CTNNA3: variants seen among roughly 807,000 people sequenced by gnomAD.
The protein encoded by CTNNA3 is catenin alpha 3.
Under a neutral mutation model 95.7 loss-of-function variants are expected in CTNNA3, and 76 were observed. The ratio of observed to expected loss-of-function variants is 0.79; its 90% CI spans 0.66 to 0.96. The LOEUF is 0.96. Among genes scored for constraint, CTNNA3 ranks in the 40% least tolerant of loss-of-function variants. The pLI is 0.00. For synonymous variants in CTNNA3, 431 were observed against 374.4 expected, an observed-to-expected ratio of 1.15 and a Z score of -1.74; for missense variants, 1,191 against 1,089.8, an observed-to-expected ratio of 1.09 and a Z score of -1.31.
intron 11 of CTNNA3, among the ~76,000 whole-genome samples, chr10:66,382,343 G>A (rs936559504): frequency 6.6e-6 from 1 of 152,166 alleles, no homozygotes; most frequent in African/African-American, 2.4e-5. Flanking sequence ...GCAGCAGTCT[G>A]AGATCGATCT....
chr10:66,934,793 T>C (rs1233212328), intron 7 of CTNNA3, among the ~76,000 whole-genome samples: 7 of 152,134 alleles, frequency 4.6e-5, no homozygotes, highest in Non-Finnish European at 1.5e-5. Flanking sequence ...GTAAGGCAAA[T>C]ACTACATTTA....
intron 9 of CTNNA3, among the ~76,000 whole-genome samples, chr10:66,683,887 C>G (rs930948100): frequency 5.3e-5 from 8 of 152,062 alleles, no homozygotes; most frequent in Admixed American, 5.2e-4. Flanking sequence ...TCAGACAAAA[C>G]CCCCAGCAAA....
At chr10:66,485,999 T>C (rs1320793139) in intron 11 of CTNNA3, among the ~76,000 whole-genome samples, 2 of 152,118 alleles carry the variant, frequency 1.3e-5, no homozygotes, top group South Asian at 2.1e-4. Context: ...CTCTAACAAA[T>C]GGCACTGATA....
At chr10:67,709,506 G>C (rs1490970176) in intron 1 of CTNNA3, among the ~76,000 whole-genome samples, 1 of 152,102 alleles carries the variant, frequency 6.6e-6, no homozygotes, top group Non-Finnish European at 1.5e-5. Context: ...AACTGTAGCT[G>C]ACCTTCTGAA....
chr10:66,926,068 G>A (rs1404913915), intron 7 of CTNNA3: 4 of 457,430 alleles, frequency 8.7e-6, no homozygotes, highest in South Asian at 6.2e-5. Context: ...ATGACAGTCT[G>A]CAGAAGTGAG....
intron 13 of CTNNA3, among the ~76,000 whole-genome samples, chr10:66,237,417 G>A (rs1444086511): frequency 2.6e-5 from 4 of 152,068 alleles, no homozygotes; most frequent in East Asian, 3.9e-4. Context: ...ACATGATGAC[G>A]TGTATATTTT....
intron 7 of CTNNA3, among the ~76,000 whole-genome samples, chr10:67,170,065 G>T (rs1222532171): frequency 1.3e-5 from 2 of 152,050 alleles, no homozygotes; most frequent in South Asian, 2.1e-4. Context: ...CAAAACCACA[G>T]TGAGATACCA....
In CTNNA3 at chr10:66,018,197, C is replaced by CACACACAA. The variant is rs760754299; in HGVS notation, c.2160-29401_2160-29400insTTGTGTGT. 8.2e-3 allele frequency among the ~76,000 whole-genome samples: 1,224 copies of CACACACAA among 148,516 alleles called. 12 individuals carry two copies. The highest frequency in any genetic ancestry group is 0.014 in the Non-Finnish European group (932 of 67,800). On this transcript the variant is annotated intron_variant, in intron 15 of 17. Transcript: ENST00000433211. ...AGGATACAGCTCAAATACACACACA[C>CACACACAA]ACACACACACACACACACACACTAT... is the stretch of plus-strand genomic sequence containing the variant.
chr10:67,686,041 G>T (rs142414955), intron 1 of CTNNA3, among the ~76,000 whole-genome samples: 2 of 151,460 alleles, frequency 1.3e-5, no homozygotes, highest in East Asian at 3.9e-4. Flanking sequence ...ATACTCCTTG[G>T]GTTTTTGCAT....
chr10:66,245,896 C>T (rs566736987), intron 13 of CTNNA3, among the ~76,000 whole-genome samples: 1 of 152,210 alleles, frequency 6.6e-6, no homozygotes, highest in Admixed American at 6.5e-5. Flanking sequence ...ATTGTCTGCT[C>T]ACCTCTGGCT....
chr10:66,759,802 TATAAA>T (rs1331186012), intron 9 of CTNNA3, among the ~76,000 whole-genome samples: 3 of 152,268 alleles, frequency 2.0e-5, no homozygotes, highest in Non-Finnish European at 4.4e-5. Context: ...TAAAAAGAAA[TATAAA>T]ATATCTCATT....
At chr10:67,526,767 A>C (rs1840158026) in intron 4 of CTNNA3, among the ~76,000 whole-genome samples, 1 of 152,182 alleles carries the variant, frequency 6.6e-6, no homozygotes, top group Non-Finnish European at 1.5e-5. Context: ...ATAAACTTAA[A>C]AGTTCCATAA....
intron 9 of CTNNA3, among the ~76,000 whole-genome samples, chr10:66,690,942 G>A (rs1184059780): frequency 6.6e-6 from 1 of 152,176 alleles, no homozygotes; most frequent in African/African-American, 2.4e-5. Flanking sequence ...CCCACCAACA[G>A]CGTAAAAGTG....
chr10:67,490,820 A>G (rs1489642404), intron 5 of CTNNA3, among the ~76,000 whole-genome samples: 1 of 152,174 alleles, frequency 6.6e-6, no homozygotes, highest in Non-Finnish European at 1.5e-5. Context: ...AAAGGAATGG[A>G]GAAGCACTCT....
chr10:66,127,045 G>A (rs1003192687), intron 13 of CTNNA3, among the ~76,000 whole-genome samples: 3 of 151,916 alleles, frequency 2.0e-5, no homozygotes, highest in African/African-American at 7.3e-5. Context: ...GAGGTGGATG[G>A]ATCACGAGGT....
chr10:66,633,309 A>T (rs1413325814), intron 9 of CTNNA3, among the ~76,000 whole-genome samples: 1 of 152,194 alleles, frequency 6.6e-6, no homozygotes, highest in Non-Finnish European at 1.5e-5. Context: ...ATAAAATGTT[A>T]TGCTGCTGTA....
At chr10:66,080,115 C>T (rs1036680626) in intron 14 of CTNNA3, among the ~76,000 whole-genome samples, 2 of 152,012 alleles carry the variant, frequency 1.3e-5, no homozygotes, top group African/African-American at 4.8e-5. Flanking sequence ...AACAGTCATG[C>T]TTCTTCTCAT....
chr10:67,133,157 A>G (rs1860105520), intron 7 of CTNNA3, among the ~76,000 whole-genome samples: 1 of 151,446 alleles, frequency 6.6e-6, no homozygotes, highest in Non-Finnish European at 1.5e-5. Context: ...ACATTTTATG[A>G]ATGTAGCAAA....
chr10:67,244,713 A>G (rs950637839), intron 5 of CTNNA3, among the ~76,000 whole-genome samples: 67 of 152,326 alleles, frequency 4.4e-4, no homozygotes, highest in African/African-American at 1.6e-3. Context: ...AAAGCTTAAG[A>G]AATGCTTCAG....
Sources: gnomAD v4.1 joint callset for allele counts (sites outside exome capture counted in the v4.1 genomes callset) on GRCh38, gnomAD v4.1.1 for gene constraint, MANE v1.5 for transcripts, NCBI Gene and HGNC (gene_info 2026-07-23, HGNC 2026-07-21) for gene names.